The following LRRC66 variants were observed in gnomAD, a reference collection of about 807,000 sequenced individuals.
LRRC66 encodes the protein leucine-rich repeat-containing protein 66.
A neutral mutation model predicts 24.6 loss-of-function variants in LRRC66; 29 were observed. The ratio of observed to expected loss-of-function variants is 1.18; its 90% CI spans 0.88 to 1.61. LRRC66 has a LOEUF of 1.61. LRRC66 is among the 40% of genes most tolerant of loss of function. LRRC66 has a pLI of 0.00. For missense variants in LRRC66, 1,124 were observed against 1,058.0 expected (o/e 1.06, Z -0.87); for synonymous variants, 411 against 397.6 (o/e 1.03, Z -0.40).
intron 3 of LRRC66, among the ~76,000 whole-genome samples, chr4:52,002,480 G>A (rs751072090): frequency 6.6e-6 from 1 of 152,142 alleles, no homozygotes; most frequent in Non-Finnish European, 1.5e-5. Context: ...AAAGGGAAGG[G>A]TGTGGAGAAA....
chr4:51,996,283 C>A, intron 4 of LRRC66, 118 bp from the exon 5 acceptor site: 3 of 983,870 alleles, frequency 3.0e-6, no homozygotes, highest in Non-Finnish European at 2.9e-6. Flanking sequence ...GAATTCCAGG[C>A]ACACCCAGCC....
chr4:52,009,574 T>C (rs1736653933), intron 2 of LRRC66, among the ~76,000 whole-genome samples: 1 of 152,158 alleles, frequency 6.6e-6, no homozygotes, highest in African/African-American at 2.4e-5. Flanking sequence ...ACAGAGTCTA[T>C]AGATACTAAA....
At position 52,003,404 on chromosome 4, in the gene LRRC66, A is replaced by T; in HGVS notation, c.497-12T>A. 6.2e-7 allele frequency: 1 copy of T among 1,604,050 alleles called. No homozygotes were observed. Among genetic ancestry groups the T allele is most frequent in the Middle Eastern group, 1.7e-4 (1 of 5,996 alleles). On this transcript the variant is annotated splice_polypyrimidine_tract_variant and intron_variant, in intron 2 of 4. Transcript: ENST00000682860. ...CAGTTTCCACAGTCCTGTTAAAATG[A>T]AAAAGTAAGTTGAAATCTAAACTGG... is the stretch of plus-strand genomic sequence containing the variant.
chr4:51,999,909 G>T (rs1173691950), intron 3 of LRRC66, among the ~76,000 whole-genome samples: 1 of 152,224 alleles, frequency 6.6e-6, no homozygotes, highest in Non-Finnish European at 1.5e-5. Flanking sequence ...AATTTGAAAT[G>T]TCAGTGAAAC....
chr4:51,996,522 G>A (rs1036937996), intron 4 of LRRC66, among the ~76,000 whole-genome samples: 1 of 152,144 alleles, frequency 6.6e-6, no homozygotes. Context: ...CTCCTGAACA[G>A]CTGGGACTAT....
At chr4:51,997,533 T>C (rs529593543) in intron 4 of LRRC66, among the ~76,000 whole-genome samples, 1 of 152,322 alleles carries the variant, frequency 6.6e-6, no homozygotes, top group Non-Finnish European at 1.5e-5. Context: ...AGTTGAACTG[T>C]GTTTCTTTGA....
intron 1 of LRRC66, chr4:52,018,591 C>T: frequency 1.0e-6 from 1 of 985,342 alleles, no homozygotes; most frequent in Non-Finnish European, 1.2e-6. Context: ...GACTTTCCTT[C>T]TTTGTGATCC....
In LRRC66 at chr4:52,017,453, A is replaced by G. The variant is rs1736843846; in HGVS notation, c.161T>C (p.Ile54Thr). ...TGCTGTCTGTGATATGTCCACAGGTATATCACACTTTCCGGTAAAAGAACA... is the reference window on the plus strand; with the variant it reads ...TGCTGTCTGTGATATGTCCACAGGTGTATCACACTTTCCGGTAAAAGAACA... ...TNCSFTGKCD[I>T]PVDISQTAAT... Residue 54 changes from isoleucine to threonine, a missense_variant, in exon 2 of 5, where the codon ATA becomes ACA. Physicochemically the swap from Ile to Thr is moderately conservative, Grantham distance 89. Coordinates refer to ENST00000682860, the MANE Select transcript of LRRC66 (RefSeq NM_001024611.3). 8.1e-6 allele frequency: 13 copies of G among 1,614,010 alleles called. No individual in the cohort carries two copies. Among genetic ancestry groups the G allele is most frequent in the South Asian group, 4.4e-5 (4 of 91,076 alleles).
rs1161452060 is a variant in LRRC66 at position 51,997,859 on chromosome 4, C to T, written c.745G>A (p.Val249Ile). The T allele has an allele frequency of 6.2e-7, 1 of 1,614,020 alleles. No homozygotes were observed. The highest frequency in any genetic ancestry group is 1.1e-5 in the South Asian group (1 of 91,070). ...TGCCAGTTATTATCAGCCAAGTCAA[C>T]CACTAGATGGGGAAATTCTAGAGCT... ...IIALEFPHLV[V>I]DLADNNWQCD... The change falls in exon 4 of 5, where the codon GTT becomes ATT. Residue 249 changes from valine (V) to isoleucine (I), a missense_variant. By Grantham distance (29) the Val-to-Ile change is conservative. Coordinates refer to ENST00000682860, the MANE Select transcript of LRRC66 (RefSeq NM_001024611.3).
intron 2 of LRRC66, among the ~76,000 whole-genome samples, chr4:52,006,942 G>A (rs1416648457): frequency 1.3e-5 from 2 of 151,910 alleles, no homozygotes; most frequent in Non-Finnish European, 2.9e-5. Flanking sequence ...AGGTGGAGCT[G>A]GAATCAAAAC....
chr4:52,013,902 A>G (rs1186506653), intron 2 of LRRC66, among the ~76,000 whole-genome samples: 1 of 152,236 alleles, frequency 6.6e-6, no homozygotes, highest in Non-Finnish European at 1.5e-5. Flanking sequence ...AGACACAAAT[A>G]ATTATCTGCT....
intron 2 of LRRC66, among the ~76,000 whole-genome samples, chr4:52,008,169 C>G (rs1486215920): frequency 2.0e-5 from 3 of 152,142 alleles, no homozygotes; most frequent in African/African-American, 7.2e-5. Flanking sequence ...CTTCCCAACT[C>G]TGGTCTGCAG....
chr4:52,010,572 A>C (rs1281340274), intron 2 of LRRC66, among the ~76,000 whole-genome samples: 1 of 152,118 alleles, frequency 6.6e-6, no homozygotes, highest in Non-Finnish European at 1.5e-5. Flanking sequence ...ATAAGCGAGA[A>C]TATATTACTT....
intron 2 of LRRC66, among the ~76,000 whole-genome samples, chr4:52,014,279 G>C (rs1736763799): frequency 6.6e-6 from 1 of 152,072 alleles, no homozygotes; most frequent in African/African-American, 2.4e-5. Flanking sequence ...AAAAAACCTT[G>C]AGATTTAGAC....
chr4:52,000,625 C>T (rs1736426918), intron 3 of LRRC66, among the ~76,000 whole-genome samples: 1 of 152,254 alleles, frequency 6.6e-6, no homozygotes, highest in Non-Finnish European at 1.5e-5. Context: ...AGCAAGCTGA[C>T]ATGTTGTGAA....
rs538757903 is a variant in LRRC66, at chr4:52,011,375, T to C, written c.496+5743A>G. 1.8e-4 allele frequency among the ~76,000 whole-genome samples: 28 copies of C among 152,278 alleles called. No homozygotes were observed. The South Asian group carries it at 5.6e-3, about 30-fold the overall frequency. On this transcript the variant is annotated intron_variant, in intron 2 of 4. Transcript: ENST00000682860. Reference sequence around the variant, plus strand: ...CTTTTTGTTTTAATTATCTTGATAGTGGTGATGGTTTCATGAGTCAGTGTG... The same window carrying C: ...CTTTTTGTTTTAATTATCTTGATAGCGGTGATGGTTTCATGAGTCAGTGTG...
rs995373540 is a variant in LRRC66 at position 51,994,215 on chromosome 4, G to A, written c.*164C>T. On this transcript the variant is annotated 3_prime_UTR_variant, in exon 5 of 5. Coordinates refer to ENST00000682860, the MANE Select transcript of LRRC66 (RefSeq NM_001024611.3). ...AGCTTATAACCCTTCTAGAATCATC[G>A]CCCTCAAGTGGGCCCACAAAACCCT... 21 of 640,634 alleles carry A rather than the reference G, an allele frequency of 3.3e-5. No homozygotes were observed. The highest frequency in any genetic ancestry group is 1.3e-4 in the South Asian group (6 of 47,654). The allele number at this position is 640,634 out of a possible 1,614,324, so 39.7% of individuals were successfully genotyped here. A position where few individuals can be genotyped will look rare whatever the true frequency, so the allele number is the denominator to read the frequency against.
intron 3 of LRRC66, among the ~76,000 whole-genome samples, chr4:51,998,712 T>C (rs1736379743): frequency 6.6e-6 from 1 of 152,202 alleles, no homozygotes; most frequent in South Asian, 2.1e-4. Flanking sequence ...GAGAGCAGGA[T>C]CTGTAAGTGT....
At chr4:52,019,904 A>G (rs1030514331) in intron 1 of LRRC66, among the ~76,000 whole-genome samples, 1 of 152,186 alleles carries the variant, frequency 6.6e-6, no homozygotes, top group Non-Finnish European at 1.5e-5. Flanking sequence ...TGAGTTCAAA[A>G]CAGCTAGACA....
Sources: allele counts gnomAD v4.1 joint callset (sites outside exome capture counted in the v4.1 genomes callset), GRCh38; gene constraint gnomAD v4.1.1; transcripts MANE v1.5; gene names NCBI Gene and HGNC (gene_info 2026-07-23, HGNC 2026-07-21).